Variants in DPYSL2 observed in about 807,000 individuals in gnomAD.
DPYSL2 encodes the protein dihydropyrimidinase-related protein 2.
In DPYSL2, 13 loss-of-function variants were observed where a neutral mutation model predicts 69.9. The observed-to-expected ratio is 0.19, with a 90% CI of 0.12 to 0.30. DPYSL2 has a LOEUF of 0.30. Among genes scored for constraint, DPYSL2 ranks in the 10% least tolerant of loss-of-function variants. The probability of loss-of-function intolerance (pLI) is 1.00; values close to 1 mark genes in which losing one functional copy is unlikely to be tolerated. For missense variants in DPYSL2, 587 were observed against 918.9 expected (o/e 0.64, Z 4.67); for synonymous variants, 326 against 359.1 (o/e 0.91, Z 1.04).
intron 3 of DPYSL2, among the ~76,000 whole-genome samples, chr8:26,607,798 G>A (rs1182468529): frequency 1.3e-5 from 2 of 151,640 alleles, no homozygotes; most frequent in African/African-American, 2.4e-5. Context: ...AAAAAAAATC[G>A]GCTGGGTGTG....
At chr8:26,543,628 C>T (rs6994227) in intron 1 of DPYSL2, among the ~76,000 whole-genome samples, 68,796 of 151,942 alleles carry the variant, frequency 0.45, 16,475 homozygotes, top group African/African-American at 0.62. Flanking sequence ...GCTGGGATTA[C>T]AGGCATGTGC....
At chr8:26,557,512 C>T (rs534508444) in intron 1 of DPYSL2, among the ~76,000 whole-genome samples, 2 of 150,344 alleles carry the variant, frequency 1.3e-5, no homozygotes, top group Non-Finnish European at 2.9e-5. Context: ...GGCATGGTGG[C>T]TTATGCCTGT....
intron 7 of DPYSL2, among the ~76,000 whole-genome samples, chr8:26,630,669 C>T (rs893825693): frequency 1.3e-5 from 2 of 152,182 alleles, no homozygotes; most frequent in Admixed American, 1.3e-4. Flanking sequence ...TTACATTCTA[C>T]TGCCCATGAG....
rs540047293 is a variant in DPYSL2 at position 26,514,522 on chromosome 8, C to T, written c.197C>T (p.Ala66Val). 1.3e-6 allele frequency: 2 copies of T among 1,530,072 alleles called. No homozygotes were observed. The highest frequency in any genetic ancestry group is 1.2e-5 in the South Asian group (1 of 82,786). The allele number at this position is 1,530,072 out of a possible 1,614,324, so 94.8% of individuals were successfully genotyped here. The change falls in exon 1 of 14, where the codon GCT becomes GTT. Residue 66 changes from alanine to valine, a missense_variant. Ala to Val is a moderately conservative substitution (Grantham distance 64). Around this residue, in one of 3 missense-constraint regions of DPYSL2, gnomAD observed 85 missense variants for 77.7 expected, o/e 1.09. Transcript: ENST00000521913. This position sits in a 1 kb window ranked among gnomAD's most constrained non-coding sequence, Gnocchi z 8.4. ...SVGRGSGQVV[A>V]QQRDVAHLGP... ...GGCCGGGGCTCGGGGCAGGTGGTGG[C>T]TCAGCAGCGGGACGTCGCCCACTTG...
Position 26,644,026 on chromosome 8 carries a change from A to C in DPYSL2, c.1360A>C (p.Thr454Pro). The C allele has an allele frequency of 6.2e-7, 1 of 1,614,194 alleles. No individual in the cohort carries two copies. The highest frequency in any genetic ancestry group is 2.2e-5 in the East Asian group (1 of 44,874). The change falls in exon 10 of 14, where the codon ACC (threonine) becomes CCC (proline). Residue 454 changes from threonine to proline, a missense_variant. Physicochemically the swap from Thr to Pro is conservative, Grantham distance 38. This residue lies in a region of DPYSL2 where 452 missense variants were observed against 754.3 expected (regional missense o/e 0.60). Coordinates refer to ENST00000521913, the MANE Select transcript of DPYSL2 (RefSeq NM_001197293.3). This position sits in a 1 kb window ranked among gnomAD's most constrained non-coding sequence, Gnocchi z 4.5. ...AQKAVGKDNF[T>P]LIPEGTNGTE... is the part of the protein sequence containing the mutation. Reference sequence around the variant, plus strand: ...GAAGGCTGTAGGAAAGGACAACTTCACCCTGATTCCGGAGGGCACCAATGG... The same window carrying C: ...GAAGGCTGTAGGAAAGGACAACTTCCCCCTGATTCCGGAGGGCACCAATGG...
At chr8:26,545,314 T>C (rs1419322525) in intron 1 of DPYSL2, among the ~76,000 whole-genome samples, 1 of 152,152 alleles carries the variant, frequency 6.6e-6, no homozygotes, top group African/African-American at 2.4e-5. Context: ...CTAAGTACCT[T>C]TTTCAACCAC....
chr8:26,525,564 T>A (rs1280366186), intron 1 of DPYSL2, among the ~76,000 whole-genome samples: 3 of 152,222 alleles, frequency 2.0e-5, no homozygotes, highest in African/African-American at 7.2e-5. Context: ...TAATTAAGTT[T>A]TGTCTTTAAC....
chr8:26,595,662 TG>T (rs1337422914), intron 3 of DPYSL2, among the ~76,000 whole-genome samples: 1 of 152,184 alleles, frequency 6.6e-6, no homozygotes, highest in African/African-American at 2.4e-5. Context: ...CTGGAAGTAT[TG>T]GTGACAAATT....
chr8:26,622,144 T>C lies in DPYSL2; in HGVS notation c.629-1999T>C, dbSNP rs1563413316. On this transcript the variant is annotated intron_variant, in intron 3 of 13. Transcript: ENST00000521913. The stretch of plus-strand genomic sequence containing the variant: ...TTCCTTCCTTCCTTCCTTCCTTCCT[T>C]CCTTCCTTCCTTCCCTCTCTCTCTC... Among the ~76,000 whole-genome samples, 150 of 55,448 alleles carry C rather than the reference T, an allele frequency of 2.7e-3. 8 individuals carry two copies. Among genetic ancestry groups the C allele is most frequent in the Admixed American group, 4.6e-3 (27 of 5,836 alleles). The allele number at this position is 55,448 out of a possible 152,430, so 36.4% of individuals were successfully genotyped here. A position where few individuals can be genotyped will look rare whatever the true frequency, so the allele number is the denominator to read the frequency against.
Position 26,647,870 on chromosome 8 carries a change from G to C in DPYSL2, c.1596+70G>C. 6.7e-7 allele frequency: 1 copy of C among 1,494,354 alleles called. No individual in the cohort carries two copies. Among genetic ancestry groups the C allele is most frequent in the Non-Finnish European group, 8.9e-7 (1 of 1,120,296 alleles). 92.6% of individuals were successfully genotyped at this position (1,494,354 alleles called of 1,614,324 possible). A position where few individuals can be genotyped will look rare whatever the true frequency, so the allele number is the denominator to read the frequency against. ...TCACAGAGACACAGACGGAGGGAGA[G>C]CCCCAGGGTTTCTAAAAAGAACTTG... On this transcript the variant is annotated intron_variant, in intron 11 of 13. Transcript: ENST00000521913. The surrounding 1 kb of genome is among the most constrained non-coding windows in gnomAD (Gnocchi z 5.1).
Position 26,627,183 on chromosome 8 carries a change from T to C in DPYSL2, c.856-32T>C. On this transcript the variant is annotated intron_variant, in intron 5 of 13. Coordinates refer to ENST00000521913, the MANE Select transcript of DPYSL2 (RefSeq NM_001197293.3). The surrounding 1 kb of genome is among the most constrained non-coding windows in gnomAD (Gnocchi z 6.9). ...TTGTGAACAGGAAGATGGAAGTCCC[T>C]GTCTCTGATCCCACCCTTGTCTCTC... 1 of 1,603,116 alleles carries C rather than the reference T, an allele frequency of 6.2e-7. No homozygotes were observed. Among genetic ancestry groups the C allele is most frequent in the Non-Finnish European group, 8.5e-7 (1 of 1,170,046 alleles).
chr8:26,530,792 T>C (rs1563376444), intron 1 of DPYSL2, among the ~76,000 whole-genome samples: 1 of 152,228 alleles, frequency 6.6e-6, no homozygotes, highest in Non-Finnish European at 1.5e-5. Context: ...TACCAGATGG[T>C]GGCTTTAGCA....
rs776885191 is a variant in DPYSL2 at position 26,650,313 on chromosome 8, C to T, written c.1597-1944C>T. 2.1e-4 allele frequency among the ~76,000 whole-genome samples: 32 copies of T among 152,160 alleles called. No individual in the cohort carries two copies. The highest frequency in any genetic ancestry group is 3.2e-4 in the Non-Finnish European group (22 of 68,036). On this transcript the variant is annotated intron_variant, in intron 11 of 13. Transcript: ENST00000521913. The surrounding 1 kb of genome is among the most constrained non-coding windows in gnomAD (Gnocchi z 5.3). ...GCAGATGTCTCCATGGCCGAGGCTG[C>T]GCCCATACTCTACCCAGTAGGGCAC...
At chr8:26,541,714 A>T (rs1339585581) in intron 1 of DPYSL2, among the ~76,000 whole-genome samples, 1 of 152,330 alleles carries the variant, frequency 6.6e-6, no homozygotes, top group African/African-American at 2.4e-5. Flanking sequence ...GTGTTTTTTT[A>T]TACATTTGAA....
Position 26,619,127 on chromosome 8 carries a change from G to C in DPYSL2, c.629-5016G>C, listed in dbSNP as rs890350397. Among the ~76,000 whole-genome samples, 2 of 152,102 alleles carry C rather than the reference G, an allele frequency of 1.3e-5. No homozygotes were observed. Among genetic ancestry groups the C allele is most frequent in the Non-Finnish European group, 2.9e-5 (2 of 68,030 alleles). On this transcript the variant is annotated intron_variant, in intron 3 of 13. Transcript: ENST00000521913. The surrounding 1 kb of genome is among the most constrained non-coding windows in gnomAD (Gnocchi z 4.8). ...CCAAGGCTGCCCTCTTGGAGGGGCC[G>C]ATAGCTCAGGGAGGTCACCAGAGGA...
intron 3 of DPYSL2, among the ~76,000 whole-genome samples, chr8:26,622,158 C>CCTCCCTCCCTCCCTCT (rs1554544254): frequency 2.8e-5 from 1 of 36,356 alleles, no homozygotes; most frequent in Non-Finnish European, 6.0e-5. Context: ...TCCTTCCTTC[C>CCTCCCTCCCTCCCTCT]CTCTCTCTCT....
In DPYSL2 at chr8:26,621,273, T is replaced by C. The variant is rs1454425848; in HGVS notation, c.629-2870T>C. Among the ~76,000 whole-genome samples, 1 of 152,214 alleles carries C rather than the reference T, an allele frequency of 6.6e-6. No homozygotes were observed. The highest frequency in any genetic ancestry group is 2.4e-5 in the African/African-American group (1 of 41,460). Reference sequence around the variant, plus strand: ...ACTTTCCCTAAAATTTTCTGTATTTTTGAAATTTTCTACTCAAAGAATCAT... The same window carrying C: ...ACTTTCCCTAAAATTTTCTGTATTTCTGAAATTTTCTACTCAAAGAATCAT... On this transcript the variant is annotated intron_variant, in intron 3 of 13. Coordinates refer to ENST00000521913, the MANE Select transcript of DPYSL2 (RefSeq NM_001197293.3). The surrounding 1 kb of genome is among the most constrained non-coding windows in gnomAD (Gnocchi z 4.9).
rs1203789776 is a variant in DPYSL2 at position 26,586,818 on chromosome 8, G to A, written c.628+2835G>A. Reference sequence around the variant, plus strand: ...CTGCTTCCTTGGCCAGAATGCTATGGCATTTGCACGGAGGCTGTGTGATGC... The same window carrying A: ...CTGCTTCCTTGGCCAGAATGCTATGACATTTGCACGGAGGCTGTGTGATGC... On this transcript the variant is annotated intron_variant, in intron 3 of 13. Coordinates refer to ENST00000521913, the MANE Select transcript of DPYSL2 (RefSeq NM_001197293.3). The surrounding 1 kb of genome is among the most constrained non-coding windows in gnomAD (Gnocchi z 4.7). Among the ~76,000 whole-genome samples, 1 of 152,218 alleles carries A rather than the reference G, an allele frequency of 6.6e-6. No individual in the cohort carries two copies. Among genetic ancestry groups the A allele is most frequent in the African/African-American group, 2.4e-5 (1 of 41,458 alleles).
rs950220319 is a variant in DPYSL2, at chr8:26,583,905, C to G, written c.550C>G (p.Pro184Ala). The change falls in exon 3 of 14, where the codon CCT becomes GCT. Residue 184 changes from proline to alanine, a missense_variant. Pro to Ala is a conservative substitution (Grantham distance 27, BLOSUM62 -1). Coordinates refer to ENST00000521913, the MANE Select transcript of DPYSL2 (RefSeq NM_001197293.3). Reference sequence around the variant, plus strand: ...TGACGTCCACACTCGTTTCCAGATGCCTGATCAGGGAATGACGTCTGCTGA... The same window carrying G: ...TGACGTCCACACTCGTTTCCAGATGGCTGATCAGGGAATGACGTCTGCTGA... ...GIDVHTRFQM[P>A]DQGMTSADDF... is the part of the protein sequence containing the mutation. 1.4e-5 allele frequency: 22 copies of G among 1,614,036 alleles called. No individual in the cohort carries two copies. The highest frequency in any genetic ancestry group is 7.6e-6 in the Non-Finnish European group (9 of 1,180,032).
Sources: gnomAD v4.1 joint callset for allele counts (sites outside exome capture counted in the v4.1 genomes callset) on GRCh38, gnomAD v4.1.1 for gene constraint, gnomAD v4.1.1 regional missense constraint, Gnocchi (gnomAD v3.1) non-coding constraint, MANE v1.5 for transcripts, NCBI Gene and HGNC (gene_info 2026-07-23, HGNC 2026-07-21) for gene names.